Variants in CA10 observed in about 807,000 individuals in gnomAD.
CA10 encodes carbonic anhydrase 10 (inactive), also known as carbonic anhydrase-related protein 10.
CA10 carries 14 observed loss-of-function variants against 44.2 expected under a neutral mutation model. The observed-to-expected ratio is 0.32, with a 90% CI of 0.21 to 0.50. CA10 has a LOEUF of 0.50. Ranked by LOEUF, CA10 falls within the 20% of genes least tolerant of loss-of-function variation. The pLI, the probability that CA10 is intolerant of heterozygous loss-of-function variation, is 0.99. For synonymous variants in CA10, 159 were observed against 141.6 expected, an observed-to-expected ratio of 1.12 and a Z score of -0.87; for missense variants, 350 against 409.7, an observed-to-expected ratio of 0.85 and a Z score of 1.26.
intron 2 of CA10, among the ~76,000 whole-genome samples, chr17:51,998,645 TCCTAATA>T (rs534309466): frequency 7.2e-4 from 110 of 152,190 alleles, no homozygotes; most frequent in Middle Eastern, 3.4e-3. Flanking sequence ...TATTTATTTG[TCCTAATA>T]CCTATGTTTT....
intron 3 of CA10, among the ~76,000 whole-genome samples, chr17:51,822,998 C>A (rs960770347): frequency 2.0e-5 from 3 of 152,166 alleles, no homozygotes; most frequent in African/African-American, 7.2e-5. Context: ...CTTAATAATC[C>A]ACTAGAGGTT....
intron 2 of CA10, among the ~76,000 whole-genome samples, chr17:52,016,852 G>A (rs1438005697): frequency 3.9e-5 from 6 of 152,136 alleles, no homozygotes; most frequent in Admixed American, 3.3e-4. Context: ...GGTGGAGGTT[G>A]CAGTGAGCCG....
chr17:51,731,694 T>TA (rs1916729550), intron 4 of CA10, among the ~76,000 whole-genome samples: 12 of 151,488 alleles, frequency 7.9e-5, no homozygotes, highest in South Asian at 6.3e-4. Context: ...TTTATTTATT[T>TA]TGAGACAGGG....
intron 1 of CA10, among the ~76,000 whole-genome samples, chr17:52,140,053 C>G (rs778731694): frequency 2.6e-5 from 4 of 152,196 alleles, no homozygotes; most frequent in Non-Finnish European, 5.9e-5. Context: ...TTACCACTAA[C>G]AGAGATCAGA....
chr17:51,834,571 G>GGCT (rs1302673134), intron 3 of CA10, among the ~76,000 whole-genome samples: 2 of 152,096 alleles, frequency 1.3e-5, no homozygotes, highest in Non-Finnish European at 1.5e-5. Context: ...CATGCTCCTG[G>GGCT]GCTGGCAAGG....
At chr17:52,124,743 C>T (rs1308541470) in intron 1 of CA10, among the ~76,000 whole-genome samples, 1 of 152,168 alleles carries the variant, frequency 6.6e-6, no homozygotes, top group Admixed American at 6.5e-5. Flanking sequence ...ATGCCTCTCC[C>T]ACCTTGTTCA....
intron 1 of CA10, among the ~76,000 whole-genome samples, chr17:52,115,807 C>T (rs368422902): frequency 2.7e-4 from 41 of 152,354 alleles, no homozygotes; most frequent in African/African-American, 9.4e-4. Context: ...TTAAAAGTTT[C>T]TCTCAGCTGG....
chr17:52,015,734 T>C (rs747094781), intron 2 of CA10, among the ~76,000 whole-genome samples: 8 of 152,200 alleles, frequency 5.3e-5, no homozygotes, highest in South Asian at 4.1e-4. Context: ...TGAGCACATA[T>C]TTGCAAAATT....
chr17:52,147,044 G>A (rs981836007), intron 1 of CA10, among the ~76,000 whole-genome samples: 2 of 152,194 alleles, frequency 1.3e-5, no homozygotes, highest in African/African-American at 2.4e-5. Flanking sequence ...AGATTGTGGG[G>A]TGTATGTGTC....
chr17:51,838,369 C>T (rs1292268187), intron 3 of CA10, among the ~76,000 whole-genome samples: 1 of 152,188 alleles, frequency 6.6e-6, no homozygotes, highest in African/African-American at 2.4e-5. Context: ...AGAAAAGATC[C>T]TGATGGAACC....
At chr17:51,946,891 A>G (rs1418275507) in intron 2 of CA10, among the ~76,000 whole-genome samples, 1 of 152,148 alleles carries the variant, frequency 6.6e-6, no homozygotes, top group Non-Finnish European at 1.5e-5. Context: ...TATCCTGGGC[A>G]TAAATTCTGA....
intron 3 of CA10, among the ~76,000 whole-genome samples, chr17:51,902,408 A>G (rs900153622): frequency 1.3e-5 from 2 of 152,072 alleles, no homozygotes; most frequent in African/African-American, 4.8e-5. Flanking sequence ...AGTAAATTTA[A>G]TTTTATCTTT....
At chr17:51,865,048 C>T (rs1342542946) in intron 3 of CA10, among the ~76,000 whole-genome samples, 1 of 152,074 alleles carries the variant, frequency 6.6e-6, no homozygotes, top group African/African-American at 2.4e-5. Flanking sequence ...GGGATGGGGA[C>T]AGGCAGAATG....
At chr17:51,822,651 T>C (rs371097086) in intron 3 of CA10, among the ~76,000 whole-genome samples, 2 of 152,134 alleles carry the variant, frequency 1.3e-5, no homozygotes, top group Non-Finnish European at 2.9e-5. Flanking sequence ...TGGCACATAG[T>C]AGGTACTCAA....
chr17:52,052,603 G>C (rs1987109363), intron 2 of CA10, among the ~76,000 whole-genome samples: 1 of 152,058 alleles, frequency 6.6e-6, no homozygotes, highest in South Asian at 2.1e-4. Context: ...GGAGTTTTCA[G>C]AAGATATCAA....
At chr17:51,716,635 A>T (rs1479855368) in intron 4 of CA10, among the ~76,000 whole-genome samples, 2 of 152,094 alleles carry the variant, frequency 1.3e-5, no homozygotes, top group Non-Finnish European at 2.9e-5. Context: ...CTCACCACTT[A>T]CCAAGGTATG....
intron 3 of CA10, among the ~76,000 whole-genome samples, chr17:51,782,666 G>A (rs1005563169): frequency 6.6e-6 from 1 of 152,218 alleles, no homozygotes; most frequent in African/African-American, 2.4e-5. Context: ...GAGGGATGCT[G>A]TCTCTCCTCC....
intron 4 of CA10, among the ~76,000 whole-genome samples, chr17:51,738,221 T>C (rs1916977112): frequency 6.6e-6 from 1 of 152,214 alleles, no homozygotes; most frequent in Non-Finnish European, 1.5e-5. Context: ...ATGATTAGCT[T>C]TGTTTCAGCA....
At chr17:51,914,293 A>G (rs1981904970) in intron 3 of CA10, among the ~76,000 whole-genome samples, 1 of 152,164 alleles carries the variant, frequency 6.6e-6, no homozygotes, top group African/African-American at 2.4e-5. Flanking sequence ...TTTACAGAGA[A>G]AAAGCATACA....
Sources: gnomAD v4.1 joint callset for allele counts (sites outside exome capture counted in the v4.1 genomes callset) on GRCh38, gnomAD v4.1.1 for gene constraint, MANE v1.5 for transcripts, NCBI Gene and HGNC (gene_info 2026-07-23, HGNC 2026-07-21) for gene names.